The following PDE1A variants were observed in gnomAD, a reference collection of about 807,000 sequenced individuals.
The protein encoded by PDE1A is phosphodiesterase 1A, also known as dual specificity calcium/calmodulin-dependent 3',5'-cyclic nucleotide phosphodiesterase 1A.
PDE1A carries 35 observed loss-of-function variants against 61.7 expected under a neutral mutation model. The observed-to-expected ratio is 0.57, with a 90% confidence interval of 0.43 to 0.75. The LOEUF is 0.75. Ranked by LOEUF, PDE1A falls within the 30% of genes least tolerant of loss-of-function variation. PDE1A has a pLI of 0.00. For synonymous variants in PDE1A, 232 were observed against 213.2 expected (o/e 1.09, Z -0.77); for missense variants, 597 against 630.6 (o/e 0.95, Z 0.57).
At chr2:182,431,872 C>T (rs1703968768), upstream of PDE1A, among the ~76,000 whole-genome samples, 1 of 152,080 alleles carries the variant, frequency 6.6e-6, no homozygotes, top group African/African-American at 2.4e-5. Context: ...TTCTATTCTT[C>T]TTCTAACCGC....
At chr2:182,415,926 C>G (rs1438072) in intron 1 of PDE1A, among the ~76,000 whole-genome samples, 104,935 of 151,970 alleles carry the variant, frequency 0.69, 36,578 homozygotes, top group East Asian at 0.92. Flanking sequence ...GAACCATATG[C>G]CTGGCCTGGC....
intron 2 of PDE1A, among the ~76,000 whole-genome samples, chr2:182,498,313 AATT>A (rs1436183530): frequency 6.6e-6 from 1 of 152,154 alleles, no homozygotes; most frequent in Non-Finnish European, 1.5e-5. Flanking sequence ...GAGCTATAAA[AATT>A]ATTATATACA....
At chr2:182,418,106 A>G (rs903458796) in intron 1 of PDE1A, among the ~76,000 whole-genome samples, 1 of 152,212 alleles carries the variant, frequency 6.6e-6, no homozygotes, top group Non-Finnish European at 1.5e-5. Flanking sequence ...ATTCAAATGC[A>G]TAAGGAAGCT....
chr2:182,143,899 C>T (rs979003851), downstream of PDE1A, among the ~76,000 whole-genome samples: 1 of 151,848 alleles, frequency 6.6e-6, no homozygotes, highest in African/African-American at 2.4e-5. Flanking sequence ...GGTGTGTGTG[C>T]GTGTGTTTGT....
intron 2 of PDE1A, among the ~76,000 whole-genome samples, chr2:182,483,752 A>G (rs1320297574): frequency 4.6e-5 from 7 of 151,912 alleles, no homozygotes; most frequent in Non-Finnish European, 7.4e-5. Context: ...CTAAGCAAGC[A>G]AAAGGAAGGA....
At chr2:182,414,288 G>A (rs1386385539) in intron 1 of PDE1A, among the ~76,000 whole-genome samples, 1 of 152,118 alleles carries the variant, frequency 6.6e-6, no homozygotes, top group East Asian at 1.9e-4. Flanking sequence ...ACATCTGCAA[G>A]TAACTCAATA....
At chr2:182,552,865 CAT>C in the PDE1A span, among the ~76,000 whole-genome samples, 1 of 152,148 alleles carries the variant, frequency 6.6e-6, no homozygotes, top group Non-Finnish European at 1.5e-5. Context: ...TCTTCTGGTC[CAT>C]GTTTGTTACG....
chr2:182,662,341 G>GA, the PDE1A span, among the ~76,000 whole-genome samples: 95,077 of 137,820 alleles, frequency 0.69, 32,583 homozygotes, highest in Middle Eastern at 0.78. Flanking sequence ...AAAAAAAAAA[G>GA]AAAAAAAAAA....
the PDE1A span, chr2:182,716,152 A>ACC: frequency 2.0e-5 from 3 of 151,786 alleles, no homozygotes; most frequent in Non-Finnish European, 4.4e-5. Flanking sequence ...CTAAACCTAC[A>ACC]CCGCCCTCTC....
chr2:182,231,228 C>G (rs1654573281), intron 4 of PDE1A, 97 bp from the exon 5 acceptor site: 1 of 702,402 alleles, frequency 1.4e-6, no homozygotes, highest in African/African-American at 1.8e-5. Context: ...AGCAGGTCAT[C>G]TTTCAATTTA....
chr2:182,447,269 C>G (rs1685202561), intron 2 of PDE1A, among the ~76,000 whole-genome samples: 1 of 151,986 alleles, frequency 6.6e-6, no homozygotes, highest in East Asian at 1.9e-4. Flanking sequence ...CTCATGTCAT[C>G]TATGAGCAAT....
At chr2:182,289,599 G>A (rs765130639) in intron 1 of PDE1A, among the ~76,000 whole-genome samples, 8 of 152,058 alleles carry the variant, frequency 5.3e-5, no homozygotes, top group Non-Finnish European at 1.0e-4. Context: ...GATTTCAAGA[G>A]GGGCCCTTTT....
At chr2:182,274,994 GTTA>G (rs1342365116) in intron 1 of PDE1A, among the ~76,000 whole-genome samples, 1 of 152,100 alleles carries the variant, frequency 6.6e-6, no homozygotes, top group Non-Finnish European at 1.5e-5. Flanking sequence ...TACTAAATAA[GTTA>G]AGGTCTAACT....
the PDE1A span, among the ~76,000 whole-genome samples, chr2:182,640,211 A>G: frequency 5.3e-5 from 8 of 152,266 alleles, no homozygotes; most frequent in Non-Finnish European, 1.2e-4. Flanking sequence ...TTGGTTCCAC[A>G]AGCCTTCTTG....
chr2:182,576,049 AT>A, the PDE1A span, among the ~76,000 whole-genome samples: 1 of 151,116 alleles, frequency 6.6e-6, no homozygotes, highest in African/African-American at 2.4e-5. Flanking sequence ...CTTTTTAAAA[AT>A]TGTGATAAAA....
At chr2:182,153,671 T>G (rs146149720) in intron 13 of PDE1A, among the ~76,000 whole-genome samples, 1 of 152,110 alleles carries the variant, frequency 6.6e-6, no homozygotes, top group Non-Finnish European at 1.5e-5. Context: ...TCTGGAGTGG[T>G]GAAGTTAAGA....
At chr2:182,709,502 T>C in the PDE1A span, among the ~76,000 whole-genome samples, 1 of 152,206 alleles carries the variant, frequency 6.6e-6, no homozygotes, top group African/African-American at 2.4e-5. Context: ...GAATTCAGTA[T>C]AGTAGACCAA....
At chr2:182,491,905 T>C (rs1172182489) in intron 2 of PDE1A, among the ~76,000 whole-genome samples, 2 of 152,226 alleles carry the variant, frequency 1.3e-5, no homozygotes, top group African/African-American at 2.4e-5. Context: ...TATCTCATTC[T>C]ACATTGTGCA....
intron 1 of PDE1A, among the ~76,000 whole-genome samples, chr2:182,389,866 TA>T (rs1481652143): frequency 1.3e-5 from 2 of 152,144 alleles, no homozygotes; most frequent in Non-Finnish European, 2.9e-5. Flanking sequence ...TTCCAGCCTT[TA>T]TCTTTCTTCT....
Sources: allele counts gnomAD v4.1 joint callset (sites outside exome capture counted in the v4.1 genomes callset), GRCh38; gene constraint gnomAD v4.1.1; transcripts MANE v1.5; gene names NCBI Gene and HGNC (gene_info 2026-07-23, HGNC 2026-07-21).